Variants in NAALADL2 observed in about 807,000 individuals in gnomAD.
NAALADL2 encodes the protein N-acetylated alpha-linked acidic dipeptidase like 2, also known as inactive N-acetylated-alpha-linked acidic dipeptidase-like protein 2.
NAALADL2 carries 76 observed loss-of-function variants against 87.2 expected under a neutral mutation model. The ratio of observed to expected loss-of-function variants is 0.87; its 90% confidence interval spans 0.72 to 1.05. The LOEUF is 1.05. Among genes scored for constraint, NAALADL2 ranks in the 50% least tolerant of loss-of-function variants. The pLI, the probability that NAALADL2 is intolerant of heterozygous loss-of-function variation, is 0.00. For missense variants in NAALADL2, 1,089 were observed against 945.8 expected (o/e 1.15, Z -1.99); for synonymous variants, 354 against 331.0 (o/e 1.07, Z -0.75).
At chr3:174,507,879 G>A (rs2108382370) in intron 1 of NAALADL2, among the ~76,000 whole-genome samples, 1 of 152,062 alleles carries the variant, frequency 6.6e-6, no homozygotes, top group South Asian at 2.1e-4. Flanking sequence ...GTCCATGCAT[G>A]GATATAAGTT....
At chr3:175,744,859 A>G (rs558696615) in intron 12 of NAALADL2, among the ~76,000 whole-genome samples, 1 of 152,272 alleles carries the variant, frequency 6.6e-6, no homozygotes, top group Non-Finnish European at 1.5e-5. Flanking sequence ...TAAATGAAAC[A>G]TATAATTTTA....
At chr3:174,651,858 A>G (rs1296108092) in intron 2 of NAALADL2, among the ~76,000 whole-genome samples, 1 of 152,184 alleles carries the variant, frequency 6.6e-6, no homozygotes, top group African/African-American at 2.4e-5. Context: ...TAACACATAT[A>G]TATGGAAAGA....
At chr3:174,984,273 A>T (rs1040561672) in intron 1 of NAALADL2, among the ~76,000 whole-genome samples, 2 of 152,234 alleles carry the variant, frequency 1.3e-5, no homozygotes. Flanking sequence ...TTACATTGAA[A>T]AATTGTAGCA....
At chr3:175,093,941 G>A (rs1159383199) in intron 1 of NAALADL2, among the ~76,000 whole-genome samples, 1 of 151,926 alleles carries the variant, frequency 6.6e-6, no homozygotes, top group Non-Finnish European at 1.5e-5. Flanking sequence ...GATGGAATGC[G>A]TATTGTCAGG....
chr3:174,539,971 G>T (rs1330428462), intron 1 of NAALADL2, among the ~76,000 whole-genome samples: 1 of 91,530 alleles, frequency 1.1e-5, no homozygotes. Context: ...GAATTAGGAA[G>T]TTCTGGAAAA....
At chr3:174,919,359 A>G (rs1451293290) in intron 1 of NAALADL2, among the ~76,000 whole-genome samples, 1 of 152,220 alleles carries the variant, frequency 6.6e-6, no homozygotes, top group Non-Finnish European at 1.5e-5. Context: ...CTACTGCTTT[A>G]TAAATTAAGT....
chr3:175,256,551 T>G, intron 4 of NAALADL2, 21 bp downstream of exon 4: 1 of 1,604,494 alleles, frequency 6.2e-7, no homozygotes, highest in Non-Finnish European at 8.5e-7. Context: ...TGAATGTTAT[T>G]CAGTGGTTTG....
intron 9 of NAALADL2, among the ~76,000 whole-genome samples, chr3:175,510,521 A>T (rs1290274326): frequency 6.6e-6 from 1 of 152,224 alleles, no homozygotes; most frequent in Non-Finnish European, 1.5e-5. Flanking sequence ...CTGCTGGTTC[A>T]GTTGTACCAA....
chr3:175,299,073 A>C (rs1472491411), intron 4 of NAALADL2, among the ~76,000 whole-genome samples: 1 of 152,182 alleles, frequency 6.6e-6, no homozygotes, highest in Admixed American at 6.5e-5. Flanking sequence ...CAAAGATCAA[A>C]TGGTTGTAGA....
intron 13 of NAALADL2, among the ~76,000 whole-genome samples, chr3:175,767,196 A>C (rs1325334798): frequency 6.6e-6 from 1 of 151,932 alleles, no homozygotes; most frequent in Admixed American, 6.5e-5. Flanking sequence ...ACAAGACTAC[A>C]GCATTTTTAA....
chr3:175,398,125 T>G (rs1770051576), intron 5 of NAALADL2, among the ~76,000 whole-genome samples: 4 of 152,076 alleles, frequency 2.6e-5, no homozygotes, highest in Non-Finnish European at 5.9e-5. Context: ...TGAAGGGAAG[T>G]GTGTAACCCA....
At chr3:175,326,202 C>T (rs1560365966) in intron 5 of NAALADL2, among the ~76,000 whole-genome samples, 1 of 152,194 alleles carries the variant, frequency 6.6e-6, no homozygotes, top group East Asian at 1.9e-4. Context: ...AATTCGTTGC[C>T]ACTTTGTAAC....
chr3:174,471,749 AT>A (rs1366303691), intron 1 of NAALADL2, among the ~76,000 whole-genome samples: 1 of 152,020 alleles, frequency 6.6e-6, no homozygotes, highest in African/African-American at 2.4e-5. Flanking sequence ...TTCCAATAAT[AT>A]TTTTTCTCAT....
chr3:174,688,670 G>A (rs1252390229), intron 2 of NAALADL2, among the ~76,000 whole-genome samples: 1 of 151,660 alleles, frequency 6.6e-6, no homozygotes, highest in African/African-American at 2.4e-5. Flanking sequence ...ACTATATGTT[G>A]TAGCGATTCA....
chr3:175,312,269 A>G (rs535427155), intron 4 of NAALADL2, among the ~76,000 whole-genome samples: 7 of 152,190 alleles, frequency 4.6e-5, no homozygotes, highest in Non-Finnish European at 8.8e-5. Flanking sequence ...TATTTTTCAC[A>G]TATGCTAGAC....
chr3:175,351,482 CAT>C (rs1560412631), intron 5 of NAALADL2, among the ~76,000 whole-genome samples: 2 of 151,700 alleles, frequency 1.3e-5, no homozygotes, highest in African/African-American at 4.8e-5. Flanking sequence ...TTTTTGCTCA[CAT>C]ACAACTACTA....
chr3:175,232,884 T>A lies in NAALADL2; in HGVS notation c.546-1047T>A, dbSNP rs60383068. 2.0e-3 allele frequency among the ~76,000 whole-genome samples: 248 copies of A among 123,544 alleles called. 2 individuals are homozygous for A. The highest frequency in any genetic ancestry group is 6.8e-3 in the African/African-American group (235 of 34,430). The allele number at this position is 123,544 out of a possible 152,430, so 81.0% of individuals were successfully genotyped here. On this transcript the variant is annotated intron_variant, in intron 2 of 13. Transcript: ENST00000454872. ...CTTTTTAGGTCCCTTTTTATTAATA[T>A]TTCAGCCACAAAATTAAAAAAAAAC...
At chr3:175,576,845 AT>A (rs1366590138) in intron 10 of NAALADL2, among the ~76,000 whole-genome samples, 1 of 152,150 alleles carries the variant, frequency 6.6e-6, no homozygotes, top group Non-Finnish European at 1.5e-5. Flanking sequence ...ATTCGGAGCT[AT>A]TTGAAAGCCT....
At chr3:175,349,294 A>C (rs1351894845) in intron 5 of NAALADL2, among the ~76,000 whole-genome samples, 1 of 151,946 alleles carries the variant, frequency 6.6e-6, no homozygotes, top group Non-Finnish European at 1.5e-5. Flanking sequence ...GAAGTATGTT[A>C]AGCAACAACT....
Sources: gnomAD v4.1 joint callset for allele counts (sites outside exome capture counted in the v4.1 genomes callset) on GRCh38, gnomAD v4.1.1 for gene constraint, MANE v1.5 for transcripts, NCBI Gene and HGNC (gene_info 2026-07-23, HGNC 2026-07-21) for gene names.